AGFG1: variants seen among roughly 807,000 people sequenced by gnomAD.
The protein encoded by AGFG1 is ArfGAP with FG repeats 1.
In AGFG1, 10 loss-of-function variants were observed where a neutral mutation model predicts 60.6. The ratio of observed to expected loss-of-function variants is 0.16; its 90% CI spans 0.10 to 0.28. The LOEUF (loss-of-function observed/expected upper bound fraction) is 0.28. AGFG1 is among the 10% of genes least tolerant of loss of function. The probability of loss-of-function intolerance (pLI) is 1.00; values close to 1 mark genes in which losing one functional copy is unlikely to be tolerated. For missense variants in AGFG1, 537 were observed against 676.5 expected (o/e 0.79, Z 2.29); for synonymous variants, 247 against 242.9 (o/e 1.02, Z -0.16).
rs1476098544 is a variant in AGFG1, at chr2:227,532,252, A to G, written c.814+1042A>G. ...GTAGGCATCTTATACTAATTTGTAT[A>G]TTTTTGCTATACTTCAAGGGTTTTT... is the stretch of plus-strand genomic sequence containing the variant. On this transcript the variant is annotated intron_variant, in intron 6 of 12. Transcript: ENST00000310078. 4 of 1,432,494 alleles carry G rather than the reference A, an allele frequency of 2.8e-6. No individual in the cohort carries two copies. The African/African-American group carries it at 4.3e-5, about 16-fold the overall frequency. The allele number at this position is 1,432,494 out of a possible 1,614,324, so 88.7% of individuals were successfully genotyped here.
At chr2:227,475,142 T>G (rs1690242917) in intron 1 of AGFG1, among the ~76,000 whole-genome samples, 1 of 152,184 alleles carries the variant, frequency 6.6e-6, no homozygotes, top group African/African-American at 2.4e-5. Context: ...AACCGGAATC[T>G]AATTGGTTTA....
intron 2 of AGFG1, among the ~76,000 whole-genome samples, chr2:227,518,384 A>G (rs1691716558): frequency 6.6e-6 from 1 of 152,234 alleles, no homozygotes; most frequent in African/African-American, 2.4e-5. Flanking sequence ...AATGTTTTCC[A>G]AAGTGCTTAC....
intron 10 of AGFG1, among the ~76,000 whole-genome samples, chr2:227,541,048 AT>A (rs1252580559): frequency 6.6e-6 from 1 of 151,474 alleles, no homozygotes; most frequent in Non-Finnish European, 1.5e-5. Flanking sequence ...GGGTTGTTTG[AT>A]TTTTTTTCTT....
In AGFG1 at chr2:227,533,567, T is replaced by G; in HGVS notation, c.833T>G (p.Val278Gly). 1.2e-6 allele frequency: 2 copies of G among 1,613,694 alleles called. No homozygotes were observed. Among genetic ancestry groups the G allele is most frequent in the Non-Finnish European group, 1.7e-6 (2 of 1,179,714 alleles). Reference protein sequence around the residue: ...PQTTGGSAASVNANFAHFDNF... With the variant: ...PQTTGGSAASGNANFAHFDNF... Reference sequence around the variant, plus strand: ...GTTACAGGTGGAAGTGCTGCATCAGTAAATGCTAATTTTGCTCATTTTGAT... The same window carrying G: ...GTTACAGGTGGAAGTGCTGCATCAGGAAATGCTAATTTTGCTCATTTTGAT... The change falls in exon 7 of 13, where the codon GTA becomes GGA. Residue 278 changes from valine (V) to glycine (G), a missense_variant. Transcript: ENST00000310078.
chr2:227,524,300 A>C (rs1691918161), intron 4 of AGFG1, among the ~76,000 whole-genome samples: 1 of 152,166 alleles, frequency 6.6e-6, no homozygotes, highest in African/African-American at 2.4e-5. Context: ...ACACTTTTCT[A>C]GGAAGGGATT....
intron 2 of AGFG1, among the ~76,000 whole-genome samples, chr2:227,502,971 G>A (rs752671962): frequency 9.9e-5 from 15 of 152,102 alleles, no homozygotes; most frequent in Non-Finnish European, 1.9e-4. Context: ...GGTGGTTCAC[G>A]TCTGTAATCC....
At chr2:227,535,065 C>CTTT in intron 8 of AGFG1, 40 bp downstream of exon 8, 1 of 1,425,958 alleles carries the variant, frequency 7.0e-7, no homozygotes, top group Non-Finnish European at 9.3e-7. Context: ...TGTGTTTTAT[C>CTTT]TTTTTTTTCC....
chr2:227,541,555 T>A (rs1006759433), intron 10 of AGFG1, among the ~76,000 whole-genome samples: 6 of 152,232 alleles, frequency 3.9e-5, no homozygotes, highest in African/African-American at 1.4e-4. Context: ...TTGGTCTATA[T>A]ATTTGTTTTG....
intron 1 of AGFG1, among the ~76,000 whole-genome samples, chr2:227,475,754 T>C (rs920803886): frequency 3.9e-5 from 6 of 152,242 alleles, no homozygotes; most frequent in Non-Finnish European, 7.4e-5. Context: ...TAAGAAGATA[T>C]CATATAGCTC....
At chr2:227,526,188 A>T (rs1691984702) in intron 5 of AGFG1, among the ~76,000 whole-genome samples, 1 of 152,108 alleles carries the variant, frequency 6.6e-6, no homozygotes, top group African/African-American at 2.4e-5. Context: ...GTTCCTATAG[A>T]TACAACTCAT....
intron 1 of AGFG1, among the ~76,000 whole-genome samples, chr2:227,478,979 T>TA (rs1275872017): frequency 2.0e-5 from 3 of 152,332 alleles, no homozygotes; most frequent in South Asian, 2.1e-4. Context: ...ACTATATACT[T>TA]ACCAAGTACT....
At chr2:227,486,719 C>T (rs1301650873) in intron 1 of AGFG1, among the ~76,000 whole-genome samples, 6 of 152,162 alleles carry the variant, frequency 3.9e-5, no homozygotes, top group African/African-American at 1.4e-4. Context: ...GAGTTTATAT[C>T]TTAGTAGAGA....
At chr2:227,536,046 T>C (rs1692299670) in intron 8 of AGFG1, among the ~76,000 whole-genome samples, 1 of 152,114 alleles carries the variant, frequency 6.6e-6, no homozygotes, top group African/African-American at 2.4e-5. Flanking sequence ...ATACTTTAAG[T>C]TCTAGGGTAC....
At chr2:227,532,994 A>G (rs144463407) in intron 6 of AGFG1, among the ~76,000 whole-genome samples, 1 of 152,324 alleles carries the variant, frequency 6.6e-6, no homozygotes, top group African/African-American at 2.4e-5. Context: ...GATATTGTAT[A>G]CACATTAAAC....
intron 2 of AGFG1, among the ~76,000 whole-genome samples, chr2:227,496,613 T>C (rs2106175897): frequency 6.6e-6 from 1 of 152,286 alleles, no homozygotes; most frequent in South Asian, 2.1e-4. Flanking sequence ...ACTATGCAGG[T>C]TGTGAACCTT....
At chr2:227,550,899 A>G (rs888739260) in intron 10 of AGFG1, among the ~76,000 whole-genome samples, 2 of 152,342 alleles carry the variant, frequency 1.3e-5, no homozygotes, top group African/African-American at 4.8e-5. Flanking sequence ...ATATTTCATT[A>G]TGTAATTACT....
chr2:227,527,096 C>G (rs958016718), intron 5 of AGFG1, among the ~76,000 whole-genome samples: 13 of 152,108 alleles, frequency 8.5e-5, no homozygotes, highest in Non-Finnish European at 1.9e-4. Context: ...TAGCAATAGT[C>G]TGATAGGGAA....
At chr2:227,501,174 G>A (rs944422678) in intron 2 of AGFG1, among the ~76,000 whole-genome samples, 2 of 151,854 alleles carry the variant, frequency 1.3e-5, no homozygotes, top group Non-Finnish European at 2.9e-5. Flanking sequence ...TCCACCTCCT[G>A]GATTCAAGAG....
intron 2 of AGFG1, among the ~76,000 whole-genome samples, chr2:227,503,164 G>A (rs1428337874): frequency 6.6e-6 from 1 of 151,572 alleles, no homozygotes. Context: ...GCTTTGGGGA[G>A]GTTTTAGGCT....
Sources: allele counts gnomAD v4.1 joint callset (sites outside exome capture counted in the v4.1 genomes callset), GRCh38; gene constraint gnomAD v4.1.1; transcripts MANE v1.5; gene names NCBI Gene and HGNC (gene_info 2026-07-23, HGNC 2026-07-21).